Variants in SESN1 observed in about 807,000 individuals in gnomAD.
SESN1 encodes the protein sestrin-1.
Under a neutral mutation model 59.3 loss-of-function variants are expected in SESN1, and 30 were observed. That is an observed-to-expected ratio of 0.51 (90% CI 0.38 to 0.69). The LOEUF (loss-of-function observed/expected upper bound fraction) is 0.69. SESN1 is among the 30% of genes least tolerant of loss of function. SESN1 has a pLI of 0.00. For missense variants in SESN1, 566 were observed against 673.0 expected (o/e 0.84, Z 1.76); for synonymous variants, 197 against 219.9 (o/e 0.90, Z 0.92).
At chr6:109,002,091 A>G (rs1421883388) in intron 2 of SESN1, among the ~76,000 whole-genome samples, 187 bp downstream of exon 2, 2 of 152,202 alleles carry the variant, frequency 1.3e-5, no homozygotes, top group Non-Finnish European at 2.9e-5. Flanking sequence ...ATCATGAAAT[A>G]CTAGAAATCA....
In SESN1 at chr6:109,094,627, C is replaced by A. The variant is rs1303690904; in HGVS notation, c.-554G>T. ...GGCTCGCCGAACCCTGGCCCACTGGCCGCAGCGGCCGGAGGCTTGGGCGCT... is the reference window on the plus strand; with the variant it reads ...GGCTCGCCGAACCCTGGCCCACTGGACGCAGCGGCCGGAGGCTTGGGCGCT... On this transcript the variant is annotated 5_prime_UTR_variant, in exon 1 of 10. Coordinates refer to ENST00000436639, the MANE Select transcript of SESN1 (RefSeq NM_014454.3). 1 of 152,330 alleles carries A rather than the reference C, an allele frequency of 6.6e-6. No homozygotes were observed. Among genetic ancestry groups the A allele is most frequent in the Non-Finnish European group, 1.5e-5 (1 of 68,120 alleles). 9.4% of individuals were successfully genotyped at this position (152,330 alleles called of 1,614,324 possible).
chr6:109,064,788 G>C (rs941871752), intron 1 of SESN1, among the ~76,000 whole-genome samples: 1 of 152,022 alleles, frequency 6.6e-6, no homozygotes, highest in Admixed American at 6.5e-5. Context: ...ATATCGCTGA[G>C]AGTACACTTT....
intron 1 of SESN1, among the ~76,000 whole-genome samples, chr6:109,042,083 A>G (rs541732967): frequency 3.7e-4 from 57 of 152,232 alleles, no homozygotes; most frequent in African/African-American, 1.3e-3. Flanking sequence ...TTTGCAAACT[A>G]AACACCACAC....
chr6:109,070,713 A>G (rs1780919543), intron 1 of SESN1, among the ~76,000 whole-genome samples: 1 of 152,252 alleles, frequency 6.6e-6, no homozygotes, highest in Non-Finnish European at 1.5e-5. Flanking sequence ...AAAGGATTTT[A>G]GTGGTTCTCT....
chr6:109,094,110 T>C lies in SESN1; in HGVS notation c.-37A>G. The C allele has an allele frequency of 6.4e-7, 1 of 1,558,586 alleles. No individual in the cohort carries two copies. Among genetic ancestry groups the C allele is most frequent in the Non-Finnish European group, 8.7e-7 (1 of 1,154,252 alleles). ...TTCCTTTGCGGTCTTCAGTTACCTT[T>C]CAGCATGCCCCAAAAAAATTGCTTT... On this transcript the variant is annotated 5_prime_UTR_variant, in exon 1 of 10. Coordinates refer to ENST00000436639, the MANE Select transcript of SESN1 (RefSeq NM_014454.3).
rs116658900 is a variant in SESN1 at position 109,066,414 on chromosome 6, G to C, written c.279+27381C>G. Among the ~76,000 whole-genome samples, 1,182 of 151,790 alleles carry C rather than the reference G, an allele frequency of 7.8e-3. 21 individuals carry two copies. The highest frequency in any genetic ancestry group is 0.027 in the African/African-American group (1,135 of 41,364). On this transcript the variant is annotated intron_variant, in intron 1 of 9. Coordinates refer to ENST00000436639, the MANE Select transcript of SESN1 (RefSeq NM_014454.3). ...TCTTTGTCTCCCTGCAGTGAATTAG[G>C]GTAAGGAAGGAATGTGGATCCCTCT...
chr6:108,984,547 A>G lies in SESN1; in HGVS notation c.*2997T>C, dbSNP rs1300750774. Among the ~76,000 whole-genome samples, 1 of 152,114 alleles carries G rather than the reference A, an allele frequency of 6.6e-6. No homozygotes were observed. The highest frequency in any genetic ancestry group is 2.4e-5 in the African/African-American group (1 of 41,418). On this transcript the variant is annotated 3_prime_UTR_variant, in exon 10 of 10. Coordinates refer to ENST00000436639, the MANE Select transcript of SESN1 (RefSeq NM_014454.3). ...AGGCCTACTTTTTTAATATCACCAC[A>G]TTGAGGATTACATTTCAGCATACAA...
intron 1 of SESN1, among the ~76,000 whole-genome samples, chr6:109,080,559 G>A (rs1417634887): frequency 1.3e-5 from 2 of 152,114 alleles, no homozygotes; most frequent in Admixed American, 6.6e-5. Flanking sequence ...ATAAGAACTT[G>A]ATATGCAACT....
intron 7 of SESN1, among the ~76,000 whole-genome samples, chr6:108,991,200 C>A (rs922908774): frequency 6.6e-6 from 1 of 151,936 alleles, no homozygotes; most frequent in Non-Finnish European, 1.5e-5. Flanking sequence ...TCCATTGCTG[C>A]AGCCATTCAA....
intron 1 of SESN1, among the ~76,000 whole-genome samples, chr6:109,012,858 T>C (rs1779882572): frequency 6.6e-6 from 1 of 152,142 alleles, no homozygotes; most frequent in Non-Finnish European, 1.5e-5. Flanking sequence ...CTTACGCCTG[T>C]AATTCCAGCA....
chr6:109,077,848 T>C (rs959254617), intron 1 of SESN1, among the ~76,000 whole-genome samples: 3 of 152,220 alleles, frequency 2.0e-5, no homozygotes, highest in African/African-American at 4.8e-5. Flanking sequence ...GCAAATGTTA[T>C]ATGTAAAATG....
chr6:109,000,385 T>C (rs1322969582), intron 4 of SESN1, 106 bp downstream of exon 4: 3 of 793,558 alleles, frequency 3.8e-6, no homozygotes, highest in South Asian at 3.4e-5. Context: ...ATTCAGGGGG[T>C]AGAAAATAGG....
chr6:109,038,955 A>C (rs1324873572), intron 1 of SESN1, among the ~76,000 whole-genome samples: 2 of 148,296 alleles, frequency 1.3e-5, no homozygotes, highest in African/African-American at 5.1e-5. Flanking sequence ...AAAAGAAGGG[A>C]GAAGGGAGAA....
At chr6:108,987,704 A>T (rs1779236595) in intron 9 of SESN1, 74 bp from the exon 10 acceptor site, 1 of 789,028 alleles carries the variant, frequency 1.3e-6, no homozygotes. Context: ...GAATCTAATG[A>T]ACACATAAAA....
intron 5 of SESN1, among the ~76,000 whole-genome samples, chr6:108,995,063 T>C (rs1779476149): frequency 6.6e-6 from 1 of 152,156 alleles, no homozygotes. Flanking sequence ...TGTACATGAA[T>C]GAATAAAAAA....
chr6:109,059,054 G>A (rs911608269), intron 1 of SESN1, among the ~76,000 whole-genome samples: 3 of 151,688 alleles, frequency 2.0e-5, no homozygotes, highest in Admixed American at 6.6e-5. Context: ...AATTTAAAAC[G>A]AAGTTTTTCA....
chr6:109,019,796 T>C (rs1293018444), intron 1 of SESN1, among the ~76,000 whole-genome samples: 1 of 152,236 alleles, frequency 6.6e-6, no homozygotes, highest in East Asian at 1.9e-4. Flanking sequence ...GCATTTGCTT[T>C]CTACAATTAG....
At position 109,009,523 on chromosome 6, in the gene SESN1, C is replaced by T. The variant is rs1779814366; in HGVS notation, c.280-7180G>A. On this transcript the variant is annotated intron_variant, in intron 1 of 9. Transcript: ENST00000436639. ...GAGCGCTGGGCAGCCGGCCGCGGCT[C>T]CTGGCTGCAGCGCCTCAGTCAGCAC... 3.4e-6 allele frequency: 4 copies of T among 1,187,068 alleles called. No individual in the cohort carries two copies. In the African/African-American group the frequency reaches 6.4e-5, roughly 19 times the overall value. 73.5% of individuals were successfully genotyped at this position (1,187,068 alleles called of 1,614,324 possible). A position where few individuals can be genotyped will look rare whatever the true frequency, so the allele number is the denominator to read the frequency against.
chr6:109,010,561 G>A (rs993459520), intron 1 of SESN1, among the ~76,000 whole-genome samples: 83 of 152,186 alleles, frequency 5.5e-4, no homozygotes, highest in African/African-American at 5.8e-4. Context: ...TGACGCTACC[G>A]TGTCTCAGTG....
Sources: allele counts gnomAD v4.1 joint callset (sites outside exome capture counted in the v4.1 genomes callset), GRCh38; gene constraint gnomAD v4.1.1; transcripts MANE v1.5; gene names NCBI Gene and HGNC (gene_info 2026-07-23, HGNC 2026-07-21).